The following PIK3C2B variants were observed in gnomAD, a reference collection of about 807,000 sequenced individuals.
PIK3C2B encodes phosphatidylinositol 4-phosphate 3-kinase C2 domain-containing subunit beta.
In PIK3C2B, 83 loss-of-function variants were observed where a neutral mutation model predicts 184.3. The observed-to-expected ratio is 0.45, with a 90% CI of 0.38 to 0.54. PIK3C2B has a LOEUF of 0.54. Ranked by LOEUF, PIK3C2B falls within the 20% of genes least tolerant of loss-of-function variation. The pLI, the probability that PIK3C2B is intolerant of heterozygous loss-of-function variation, is 0.00. For synonymous variants in PIK3C2B, 779 were observed against 837.6 expected, an observed-to-expected ratio of 0.93 and a Z score of 1.21; for missense variants, 1,736 against 2,113.5, an observed-to-expected ratio of 0.82 and a Z score of 3.50.
Position 204,449,278 on chromosome 1 carries a change from C to A in PIK3C2B, c.2253G>T (p.Arg751=), listed in dbSNP as rs1297535286. ...FNFRQVLTCG[R]KLLGLWPATQ... ...TTGCTGGCCACAAACCCAGAAGCTT[C>A]CGGCCACAGGTCAGGACCCTAAGAA... Residue 751 remains arginine (R), a synonymous_variant, in exon 14 of 33, where the codon CGG becomes CGT. Transcript: ENST00000684373. The A allele has an allele frequency of 2.0e-5, 32 of 1,611,392 alleles. No individual in the cohort carries two copies. Among genetic ancestry groups the A allele is most frequent in the Non-Finnish European group, 2.6e-5 (31 of 1,178,972 alleles).
At chr1:204,485,358 A>C (rs1657497931) in intron 1 of PIK3C2B, among the ~76,000 whole-genome samples, 1 of 152,108 alleles carries the variant, frequency 6.6e-6, no homozygotes, top group East Asian at 1.9e-4. Flanking sequence ...GGCACCAAAA[A>C]ATTTGTTATT....
chr1:204,484,192 C>T (rs11240748), intron 1 of PIK3C2B, among the ~76,000 whole-genome samples: 35,776 of 150,692 alleles, frequency 0.24, 4,431 homozygotes, highest in East Asian at 0.39. Context: ...ACCTTTTTTT[C>T]CCCCCTCTGG....
At chr1:204,478,106 C>T (rs932105913) in intron 1 of PIK3C2B, among the ~76,000 whole-genome samples, 1 of 152,166 alleles carries the variant, frequency 6.6e-6, no homozygotes, top group Non-Finnish European at 1.5e-5. Flanking sequence ...AGCTCTAGGA[C>T]TTCCCCAGGA....
At chr1:204,431,338 G>T in intron 28 of PIK3C2B, 1 of 323,524 alleles carries the variant, frequency 3.1e-6, no homozygotes, top group Non-Finnish European at 5.9e-6. Context: ...TTTAAATGCT[G>T]AATAATATCC....
chr1:204,482,120 G>C (rs1267662475), intron 1 of PIK3C2B, among the ~76,000 whole-genome samples: 4 of 24,142 alleles, frequency 1.7e-4, no homozygotes, highest in Admixed American at 4.7e-4. Context: ...GGGGGGGGGG[G>C]GGGGGGTGCT....
chr1:204,470,359 G>A (rs1313515978), intron 1 of PIK3C2B, among the ~76,000 whole-genome samples: 1 of 152,108 alleles, frequency 6.6e-6, no homozygotes, highest in African/African-American at 2.4e-5. Flanking sequence ...GTAGAGACAG[G>A]GTTTTGTCAT....
intron 23 of PIK3C2B, among the ~76,000 whole-genome samples, chr1:204,438,187 C>T (rs1244145330): frequency 2.0e-5 from 3 of 152,190 alleles, no homozygotes; most frequent in East Asian, 1.9e-4. Context: ...TAAAATTATA[C>T]GAATTAGCAT....
At position 204,440,241 on chromosome 1, in the gene PIK3C2B, C is replaced by T; in HGVS notation, c.3330G>A (p.Leu1110=). 1 of 1,612,330 alleles carries T rather than the reference C, an allele frequency of 6.2e-7. No homozygotes were observed. The highest frequency in any genetic ancestry group is 8.5e-7 in the Non-Finnish European group (1 of 1,179,058). Residue 1110 remains leucine, a synonymous_variant, in exon 22 of 33, where the codon CTG becomes CTA. Transcript: ENST00000684373. ...IMSKIWVQEG[L]DMRMVIFRCF... is the part of the protein sequence containing the mutation. ...AGCGGAAGATGACCATGCGCATGTC[C>T]AGCCCCTCCTGGACCCAGATCTTGC...
chr1:204,430,500 C>T (rs1003329672), intron 28 of PIK3C2B, among the ~76,000 whole-genome samples: 5 of 151,708 alleles, frequency 3.3e-5, no homozygotes, highest in African/African-American at 7.3e-5. Flanking sequence ...CACACACCAC[C>T]GCACCCAGCT....
intron 1 of PIK3C2B, among the ~76,000 whole-genome samples, chr1:204,472,863 A>T (rs755357277): frequency 9.9e-5 from 15 of 152,166 alleles, no homozygotes; most frequent in Non-Finnish European, 2.1e-4. Flanking sequence ...TATTTTTTAA[A>T]AACTCCCCAG....
At chr1:204,482,473 T>C (rs1000841870) in intron 1 of PIK3C2B, among the ~76,000 whole-genome samples, 2 of 152,182 alleles carry the variant, frequency 1.3e-5, no homozygotes, top group Non-Finnish European at 2.9e-5. Flanking sequence ...GGAGAAACCC[T>C]ACTCAGGATG....
In PIK3C2B at chr1:204,457,751, G is replaced by A. The variant is rs115137673; in HGVS notation, c.1690C>T (p.Arg564Cys). 31 of 1,609,986 alleles carry A rather than the reference G, an allele frequency of 1.9e-5. No homozygotes were observed. Among genetic ancestry groups the A allele is most frequent in the Middle Eastern group, 1.7e-4 (1 of 6,044 alleles). The change falls in exon 9 of 33, where the codon CGC becomes TGC. Residue 564 changes from arginine (R) to cysteine (C), a missense_variant. Arg to Cys is a radical substitution (Grantham distance 180). This residue lies in a region of PIK3C2B where 609 missense variants were observed against 699.2 expected (regional missense o/e 0.87). Coordinates refer to ENST00000684373, the MANE Select transcript of PIK3C2B (RefSeq NM_001377334.1). Reference protein sequence around the residue: ...ALNQLPPCPSRMQPKIQKDPS... With the variant: ...ALNQLPPCPSCMQPKIQKDPS... ...ACCTTCTGAATTTTAGGCTGCATGC[G>A]GGAGGGGCAGGGGGGCAGCTGGTTG...
intron 23 of PIK3C2B, among the ~76,000 whole-genome samples, chr1:204,438,102 G>A (rs989981022): frequency 6.6e-6 from 1 of 152,212 alleles, no homozygotes; most frequent in African/African-American, 2.4e-5. Flanking sequence ...ATTATACCTT[G>A]GCTGCCCATG....
In PIK3C2B at chr1:204,452,942, G is replaced by A. The variant is rs943080764; in HGVS notation, c.2066+1727C>T. ...CAAAGTACGGTGAGACTACAGGTGT[G>A]AGCCATCGTGCCCAGCCATATACAC... On this transcript the variant is annotated intron_variant, in intron 12 of 32. Transcript: ENST00000684373. 3.3e-5 allele frequency among the ~76,000 whole-genome samples: 5 copies of A among 152,154 alleles called. No individual in the cohort carries two copies. In the East Asian group the frequency reaches 9.7e-4, roughly 29 times the overall value.
chr1:204,483,189 A>T (rs936851556), intron 1 of PIK3C2B, among the ~76,000 whole-genome samples: 10 of 152,286 alleles, frequency 6.6e-5, no homozygotes, highest in Admixed American at 2.6e-4. Context: ...TGGGAGGCCA[A>T]AGCAGGACGA....
At position 204,424,470 on chromosome 1, in the gene PIK3C2B, C is replaced by G. The variant is rs1467237991; in HGVS notation, c.*382G>C. On this transcript the variant is annotated 3_prime_UTR_variant, in exon 33 of 33. Coordinates refer to ENST00000684373, the MANE Select transcript of PIK3C2B (RefSeq NM_001377334.1). ...AGGCTTCCTGTCCCAGTTAGGACAA[C>G]ATCACTATTTCATTTTTTAAAAATA... is the stretch of plus-strand genomic sequence containing the variant. 4 of 365,484 alleles carry G rather than the reference C, an allele frequency of 1.1e-5. No homozygotes were observed. The highest frequency in any genetic ancestry group is 8.5e-5 in the African/African-American group (4 of 47,218). 22.6% of individuals were successfully genotyped at this position (365,484 alleles called of 1,614,324 possible). A position where few individuals can be genotyped will look rare whatever the true frequency, so the allele number is the denominator to read the frequency against.
intron 1 of PIK3C2B, among the ~76,000 whole-genome samples, chr1:204,486,458 C>T (rs572430174): frequency 1.6e-4 from 24 of 148,992 alleles, no homozygotes; most frequent in South Asian, 2.1e-4. Flanking sequence ...TGGCTGGGCA[C>T]GGTGGCTCAT....
chr1:204,464,757 G>T (rs1156557389), intron 3 of PIK3C2B, among the ~76,000 whole-genome samples, 153 bp from the exon 4 acceptor site: 1 of 152,146 alleles, frequency 6.6e-6, no homozygotes, highest in Non-Finnish European at 1.5e-5. Flanking sequence ...GGGGCAGTGG[G>T]GTAGCAGCTC....
At chr1:204,485,626 T>G (rs1275764851) in intron 1 of PIK3C2B, among the ~76,000 whole-genome samples, 2 of 151,050 alleles carry the variant, frequency 1.3e-5, no homozygotes, top group Non-Finnish European at 2.9e-5. Context: ...CAGACTGCAG[T>G]GCAGTGGCAG....
Sources: allele counts gnomAD v4.1 joint callset (sites outside exome capture counted in the v4.1 genomes callset), GRCh38; gene constraint gnomAD v4.1.1; regional missense constraint gnomAD v4.1.1; transcripts MANE v1.5; gene names NCBI Gene and HGNC (gene_info 2026-07-23, HGNC 2026-07-21).